The following NEGR1 variants were observed in gnomAD, a reference collection of about 807,000 sequenced individuals.
NEGR1 encodes the protein neuronal growth regulator 1.
A neutral mutation model predicts 40.9 loss-of-function variants in NEGR1; 10 were observed. The ratio of observed to expected loss-of-function variants is 0.24; its 90% CI spans 0.15 to 0.42. The LOEUF is 0.42. Among genes scored for constraint, NEGR1 ranks in the 10% least tolerant of loss-of-function variants. The pLI, the probability that NEGR1 is intolerant of heterozygous loss-of-function variation, is 1.00. For missense variants in NEGR1, 352 were observed against 438.9 expected (o/e 0.80, Z 1.77); for synonymous variants, 185 against 166.8 (o/e 1.11, Z -0.84).
At chr1:71,480,326 G>A (rs531355637) in intron 6 of NEGR1, among the ~76,000 whole-genome samples, 3 of 151,930 alleles carry the variant, frequency 2.0e-5, no homozygotes, top group South Asian at 4.1e-4. Flanking sequence ...AGGTTTTAGG[G>A]TAATAAGTAA....
chr1:71,865,382 A>G (rs539592652), intron 2 of NEGR1, among the ~76,000 whole-genome samples: 1 of 152,292 alleles, frequency 6.6e-6, no homozygotes, highest in Non-Finnish European at 1.5e-5. Context: ...CGGCACTTAT[A>G]CACCATGGAA....
intron 6 of NEGR1, among the ~76,000 whole-genome samples, chr1:71,592,552 C>T (rs1337897046): frequency 1.3e-5 from 2 of 152,166 alleles, no homozygotes; most frequent in South Asian, 2.1e-4. Flanking sequence ...TTCAGTTAGC[C>T]CTATTATTTA....
chr1:71,921,858 G>T (rs1284526366), intron 2 of NEGR1, among the ~76,000 whole-genome samples: 1 of 151,548 alleles, frequency 6.6e-6, no homozygotes, highest in African/African-American at 2.4e-5. Context: ...AAGTTTTTGG[G>T]GAGTCAAAGG....
chr1:71,560,449 G>T (rs4559445), intron 6 of NEGR1, among the ~76,000 whole-genome samples: 1 of 116,760 alleles, frequency 8.6e-6, no homozygotes. Context: ...ATATATATAT[G>T]TATATATATA....
intron 1 of NEGR1, among the ~76,000 whole-genome samples, chr1:72,181,241 T>G (rs1338007211): frequency 6.6e-6 from 1 of 152,168 alleles, no homozygotes; most frequent in Admixed American, 6.5e-5. Flanking sequence ...GCTCTTTATC[T>G]TCAACTGTAC....
At chr1:72,112,981 A>G (rs1486861779) in intron 1 of NEGR1, among the ~76,000 whole-genome samples, 3 of 151,366 alleles carry the variant, frequency 2.0e-5, no homozygotes, top group African/African-American at 7.3e-5. Context: ...TTTTTTTACT[A>G]CTTCTTTTTG....
At chr1:71,924,442 A>G (rs973247910) in intron 2 of NEGR1, among the ~76,000 whole-genome samples, 2 of 152,224 alleles carry the variant, frequency 1.3e-5, no homozygotes, top group African/African-American at 2.4e-5. Context: ...CAGAGTGAAT[A>G]ACAACACATC....
chr1:71,749,992 T>C (rs894797686), intron 3 of NEGR1, among the ~76,000 whole-genome samples: 3 of 148,688 alleles, frequency 2.0e-5, no homozygotes, highest in Non-Finnish European at 4.5e-5. Context: ...TCCTTTCTTT[T>C]TTTTTTTTTT....
chr1:71,688,403 T>TAAAAGATATATATAG (rs57483006), intron 4 of NEGR1, among the ~76,000 whole-genome samples: 1 of 30,148 alleles, frequency 3.3e-5, no homozygotes, highest in African/African-American at 1.2e-4. Context: ...AATATATATA[T>TAAAAGATATATATAG]AAGATATATA....
intron 1 of NEGR1, among the ~76,000 whole-genome samples, chr1:72,197,765 G>A (rs921561103): frequency 5.9e-5 from 9 of 151,910 alleles, no homozygotes; most frequent in African/African-American, 2.2e-4. Context: ...CCTAGCAAAG[G>A]AATAAATTAA....
chr1:71,511,309 A>G (rs1647071650), intron 6 of NEGR1, among the ~76,000 whole-genome samples: 2 of 152,214 alleles, frequency 1.3e-5, no homozygotes, highest in Non-Finnish European at 2.9e-5. Flanking sequence ...AGTATCTCTA[A>G]TATTAGTTTC....
intron 2 of NEGR1, among the ~76,000 whole-genome samples, chr1:71,928,272 G>A (rs11801313): frequency 5.6e-5 from 5 of 89,086 alleles, no homozygotes; most frequent in Admixed American, 1.3e-4. Flanking sequence ...ACGTATATAT[G>A]TATATATACA....
At chr1:71,430,703 C>CTT (rs36111844) in intron 6 of NEGR1, among the ~76,000 whole-genome samples, 1 of 71,790 alleles carries the variant, frequency 1.4e-5, no homozygotes, top group African/African-American at 5.3e-5. Context: ...AAAAAAAGGC[C>CTT]TTTTTTTTTT....
At chr1:72,074,802 G>T (rs1647649996) in intron 1 of NEGR1, among the ~76,000 whole-genome samples, 2 of 151,802 alleles carry the variant, frequency 1.3e-5, no homozygotes, top group Admixed American at 1.3e-4. Flanking sequence ...CACTCATATT[G>T]TAGAACCAAA....
chr1:71,562,882 C>A (rs1648504981), intron 6 of NEGR1, among the ~76,000 whole-genome samples: 1 of 151,986 alleles, frequency 6.6e-6, no homozygotes, highest in African/African-American at 2.4e-5. Context: ...ACTTACCTGG[C>A]TCATATTCTT....
intron 2 of NEGR1, among the ~76,000 whole-genome samples, chr1:71,795,227 C>G (rs143504060): frequency 1.3e-5 from 2 of 151,964 alleles, no homozygotes; most frequent in African/African-American, 2.4e-5. Flanking sequence ...AGAGGAAATA[C>G]TTAGAAATGA....
chr1:71,994,996 GAAAA>G (rs34098239), intron 1 of NEGR1, among the ~76,000 whole-genome samples: 3 of 111,586 alleles, frequency 2.7e-5, no homozygotes, highest in African/African-American at 3.3e-5. Context: ...AAATTTACAG[GAAAA>G]AAAAAAAAAA....
intron 1 of NEGR1, among the ~76,000 whole-genome samples, chr1:72,272,581 A>C (rs1278172260): frequency 1.3e-5 from 2 of 151,954 alleles, no homozygotes; most frequent in Non-Finnish European, 2.9e-5. Context: ...TAAATTCATT[A>C]ATACCTCTAA....
intron 2 of NEGR1, among the ~76,000 whole-genome samples, chr1:71,813,573 T>A (rs927793314): frequency 2.8e-4 from 42 of 152,184 alleles, no homozygotes; most frequent in Non-Finnish European, 1.8e-4. Context: ...GAGAATGGAA[T>A]GTTCTTCCAT....
Sources: allele counts gnomAD v4.1 joint callset (sites outside exome capture counted in the v4.1 genomes callset), GRCh38; gene constraint gnomAD v4.1.1; transcripts MANE v1.5; gene names NCBI Gene and HGNC (gene_info 2026-07-23, HGNC 2026-07-21).